The following ZNF528 variants were observed in gnomAD, a reference collection of about 807,000 sequenced individuals.
ZNF528 encodes zinc finger protein 528.
In ZNF528, 9 loss-of-function variants were observed where a neutral mutation model predicts 13.3. The observed-to-expected ratio is 0.67, with a 90% confidence interval of 0.41 to 1.18. The LOEUF (loss-of-function observed/expected upper bound fraction) is 1.18. Among genes scored for constraint, ZNF528 ranks in the 50% most tolerant of loss-of-function variants. ZNF528 has a pLI of 0.01. For missense variants in ZNF528, 858 were observed against 745.4 expected (o/e 1.15, Z -1.76); for synonymous variants, 264 against 254.3 (o/e 1.04, Z -0.36).
At position 52,401,706 on chromosome 19, in the gene ZNF528, G is replaced by T; in HGVS notation, c.-115G>T. On this transcript the variant is annotated 5_prime_UTR_variant, in exon 3 of 7. Transcript: ENST00000360465. Reference sequence around the variant, plus strand: ...TTAGGTTCACAAATTTTAAGAAAGGGAGAATAAAGTGAAAAAAATCTCAGA... The same window carrying T: ...TTAGGTTCACAAATTTTAAGAAAGGTAGAATAAAGTGAAAAAAATCTCAGA... 7.3e-7 allele frequency: 1 copy of T among 1,373,308 alleles called. No homozygotes were observed. The highest frequency in any genetic ancestry group is 9.5e-7 in the Non-Finnish European group (1 of 1,049,572). 85.1% of individuals were successfully genotyped at this position (1,373,308 alleles called of 1,614,324 possible). A position where few individuals can be genotyped will look rare whatever the true frequency, so the allele number is the denominator to read the frequency against.
Position 52,416,733 on chromosome 19 carries a change from T to C in ZNF528, c.1881T>C (p.His627=), listed in dbSNP as rs374458562. ...ACCTTGCACAGCATCAGAGAGTTCATTCATGAGAGTCCCTACAAACTGTAT... is the reference window on the plus strand; with the variant it reads ...ACCTTGCACAGCATCAGAGAGTTCACTCATGAGAGTCCCTACAAACTGTAT... ...NSDLAQHQRV[H]S Residue 627 remains histidine (H), a synonymous_variant, in exon 7 of 7, where the codon CAT becomes CAC. Coordinates refer to ENST00000360465, the MANE Select transcript of ZNF528 (RefSeq NM_032423.3). 4 of 1,553,066 alleles carry C rather than the reference T, an allele frequency of 2.6e-6. No individual in the cohort carries two copies. The highest frequency in any genetic ancestry group is 2.3e-5 in the East Asian group (1 of 43,232).
Position 52,405,930 on chromosome 19 carries a change from G to A in ZNF528, c.39G>A (p.Val13=). ...LTQGPLKFMD[V]AIEFSQEEWK... ...AGGGACCCTTGAAATTCATGGATGT[G>A]GCCATAGAGTTCTCTCAGGAAGAGT... Residue 13 remains valine (V), a synonymous_variant, in exon 5 of 7, where the codon GTG becomes GTA. Transcript: ENST00000360465. 1.9e-6 allele frequency: 3 copies of A among 1,611,286 alleles called. No individual in the cohort carries two copies. Among genetic ancestry groups the A allele is most frequent in the Non-Finnish European group, 2.5e-6 (3 of 1,178,084 alleles).
In ZNF528 at chr19:52,418,298, T is replaced by G. The variant is rs2059024117; in HGVS notation, c.*1559T>G. ...ACACCTGGCCAGCTCAGCATATTCT[T>G]AAGTAGGATTCACATTTAATTCTTG... On this transcript the variant is annotated 3_prime_UTR_variant, in exon 7 of 7. Transcript: ENST00000360465. 1 of 152,226 alleles carries G rather than the reference T, an allele frequency of 6.6e-6. No individual in the cohort carries two copies. The highest frequency in any genetic ancestry group is 2.1e-4 in the South Asian group (1 of 4,830). The allele number at this position is 152,226 out of a possible 1,614,324, so 9.4% of individuals were successfully genotyped here.
intron 2 of ZNF528, among the ~76,000 whole-genome samples, chr19:52,399,623 A>C (rs147714737): frequency 1.4e-4 from 21 of 152,242 alleles, no homozygotes; most frequent in African/African-American, 5.1e-4. Flanking sequence ...AACAAAAAAC[A>C]AAAAACCACA....
In ZNF528 at chr19:52,415,975, C is replaced by G; in HGVS notation, c.1123C>G (p.His375Asp). 5.0e-6 allele frequency: 8 copies of G among 1,614,042 alleles called. No individual in the cohort carries two copies. The highest frequency in any genetic ancestry group is 5.9e-6 in the Non-Finnish European group (7 of 1,180,012). Residue 375 changes from histidine (H) to aspartate (D), a missense_variant, in exon 7 of 7, where the codon CAC becomes GAC. By Grantham distance (81) the His-to-Asp change is moderately conservative. Coordinates refer to ENST00000360465, the MANE Select transcript of ZNF528 (RefSeq NM_032423.3). ...CAGCCTCATAACCCATCAGTTAATT[C>G]ACACTGGAAGGAAACCTTACAAATG... Reference protein sequence around the residue: ...RSSLITHQLIHTGRKPYKCKE... With the variant: ...RSSLITHQLIDTGRKPYKCKE...
intron 6 of ZNF528, chr19:52,414,511 GGT>G (rs1280837403): frequency 1.8e-6 from 1 of 570,256 alleles, no homozygotes; most frequent in African/African-American, 1.9e-5. Context: ...ATTTACAACA[GGT>G]TTGCAAGACT....
chr19:52,415,566 G>A lies in ZNF528; in HGVS notation c.714G>A (p.Glu238=). 1.2e-6 allele frequency: 2 copies of A among 1,614,140 alleles called. No homozygotes were observed. Among genetic ancestry groups the A allele is most frequent in the Non-Finnish European group, 8.5e-7 (1 of 1,180,024 alleles). ...LVIHRRMHTG[E]KPYKCHECGK... is the part of the protein sequence containing the mutation. Reference sequence around the variant, plus strand: ...TACATCGAAGAATGCATACTGGAGAGAAGCCTTACAAATGTCATGAATGTG... The same window carrying A: ...TACATCGAAGAATGCATACTGGAGAAAAGCCTTACAAATGTCATGAATGTG... Residue 238 remains glutamate, a synonymous_variant, in exon 7 of 7, where the codon GAG becomes GAA. Coordinates refer to ENST00000360465, the MANE Select transcript of ZNF528 (RefSeq NM_032423.3).
intron 2 of ZNF528, among the ~76,000 whole-genome samples, chr19:52,400,482 G>A (rs1383704375): frequency 6.6e-6 from 1 of 151,778 alleles, no homozygotes; most frequent in Non-Finnish European, 1.5e-5. Flanking sequence ...TTTTATCTGA[G>A]TCACCAGTGA....
intron 6 of ZNF528, chr19:52,414,587 G>C (rs1004195729): frequency 5.5e-5 from 25 of 457,586 alleles, no homozygotes; most frequent in African/African-American, 3.8e-4. Context: ...TGGCACCAGG[G>C]AGTGATTACC....
intron 6 of ZNF528, chr19:52,414,373 A>G (rs162123): frequency 0.69 from 482,725 of 700,268 alleles, 172,021 homozygotes; most frequent in Non-Finnish European, 0.78. Flanking sequence ...ACAAAGGTGT[A>G]TATTTGGAAG....
chr19:52,410,580 G>T (rs554922998), intron 6 of ZNF528, among the ~76,000 whole-genome samples: 4 of 152,284 alleles, frequency 2.6e-5, no homozygotes, highest in Non-Finnish European at 5.9e-5. Flanking sequence ...CGCTGAGTTG[G>T]TCATGTCTCT....
chr19:52,406,422 T>C, intron 5 of ZNF528, 93 bp from the exon 6 acceptor site: 2 of 1,502,918 alleles, frequency 1.3e-6, no homozygotes, highest in South Asian at 1.4e-5. Flanking sequence ...ATACTATTTA[T>C]GATTTAATTA....
chr19:52,415,896 T>A lies in ZNF528; in HGVS notation c.1044T>A (p.Thr348=). The change falls in exon 7 of 7, where the codon ACT becomes ACA. Residue 348 remains threonine (T), a synonymous_variant. Transcript: ENST00000360465. ...TAGCAGAACATCAAACGGTTCATACTGGTGAGAAACCTTACAAATGTGAAG... is the reference window on the plus strand; with the variant it reads ...TAGCAGAACATCAAACGGTTCATACAGGTGAGAAACCTTACAAATGTGAAG... ...SYLAEHQTVH[T]GEKPYKCEEC... is the part of the protein sequence containing the mutation. 1 of 1,614,092 alleles carries A rather than the reference T, an allele frequency of 6.2e-7. No individual in the cohort carries two copies. Among genetic ancestry groups the A allele is most frequent in the Non-Finnish European group, 8.5e-7 (1 of 1,180,028 alleles).
rs2059005685 is a variant in ZNF528 at position 52,416,439 on chromosome 19, C to G, written c.1587C>G (p.Val529=). The G allele has an allele frequency of 6.2e-7, 1 of 1,613,970 alleles. No individual in the cohort carries two copies. Among genetic ancestry groups the G allele is most frequent in the Non-Finnish European group, 8.5e-7 (1 of 1,180,036 alleles). The part of the protein sequence containing the change: ...KPYKCNQCGK[V]FNQASYLTRH... The stretch of plus-strand genomic sequence containing the variant: ...ACAAATGTAATCAATGTGGCAAGGT[C>G]TTTAATCAAGCATCATACCTTACAA... Residue 529 remains valine (V), a synonymous_variant, in exon 7 of 7, where the codon GTC becomes GTG. Transcript: ENST00000360465.
chr19:52,401,608 G>A (rs2058794704), intron 2 of ZNF528, 77 bp from the exon 3 acceptor site: 3 of 1,154,792 alleles, frequency 2.6e-6, no homozygotes, highest in African/African-American at 3.3e-5. Context: ...TAAAATAAGT[G>A]CTTGATCAAA....
intron 4 of ZNF528, 136 bp downstream of exon 4, chr19:52,402,164 C>T: frequency 8.0e-7 from 1 of 1,248,524 alleles, no homozygotes. Context: ...TCTTCCAGTC[C>T]CTTCATTTCC....
In ZNF528 at chr19:52,416,792, C is replaced by A; in HGVS notation, c.*53C>A. The A allele has an allele frequency of 6.6e-7, 1 of 1,510,764 alleles. No individual in the cohort carries two copies. The highest frequency in any genetic ancestry group is 1.3e-5 in the South Asian group (1 of 77,436). 93.6% of individuals were successfully genotyped at this position (1,510,764 alleles called of 1,614,324 possible). A position where few individuals can be genotyped will look rare whatever the true frequency, so the allele number is the denominator to read the frequency against. ...CATCATCATGAGTTCTAGCATTAATCAACATCAGTGAGTCCATACTAAGTG... is the reference window on the plus strand; with the variant it reads ...CATCATCATGAGTTCTAGCATTAATAAACATCAGTGAGTCCATACTAAGTG... On this transcript the variant is annotated 3_prime_UTR_variant, in exon 7 of 7. Transcript: ENST00000360465.
In ZNF528 at chr19:52,416,048, A is replaced by G. The variant is rs200914187; in HGVS notation, c.1196A>G (p.His399Arg). Residue 399 changes from histidine to arginine, a missense_variant, in exon 7 of 7, where the codon CAT (histidine) becomes CGT (arginine). Coordinates refer to ENST00000360465, the MANE Select transcript of ZNF528 (RefSeq NM_032423.3). ...GGGCGCAAGTGTTTCCTGACCTCTC[A>G]TCAGAGAATTCATACTAGAGAGAGA... Reference protein sequence around the residue: ...VFGRKCFLTSHQRIHTRERPY... With the variant: ...VFGRKCFLTSRQRIHTRERPY... 1.2e-6 allele frequency: 2 copies of G among 1,614,090 alleles called. No individual in the cohort carries two copies. Among genetic ancestry groups the G allele is most frequent in the African/African-American group, 1.3e-5 (1 of 75,066 alleles).
At position 52,414,003 on chromosome 19, in the gene ZNF528, A is replaced by G. The variant is rs368501653; in HGVS notation, c.272-1121A>G. ...TTAACCTGAGTTCCAGGCTGTCTCA[A>G]TAGAACTTGAAACAACTGCACGTAG... is the stretch of plus-strand genomic sequence containing the variant. On this transcript the variant is annotated intron_variant, in intron 6 of 6. Coordinates refer to ENST00000360465, the MANE Select transcript of ZNF528 (RefSeq NM_032423.3). The G allele has an allele frequency of 1.3e-4, 72 of 536,172 alleles. No individual in the cohort carries two copies. The East Asian group carries it at 1.4e-3, about 10-fold the overall frequency. 33.2% of individuals were successfully genotyped at this position (536,172 alleles called of 1,614,324 possible).
Sources: allele counts gnomAD v4.1 joint callset (sites outside exome capture counted in the v4.1 genomes callset), GRCh38; gene constraint gnomAD v4.1.1; transcripts MANE v1.5; gene names NCBI Gene and HGNC (gene_info 2026-07-23, HGNC 2026-07-21).